Variants in CCDC93 observed in about 807,000 individuals in gnomAD.
CCDC93 encodes coiled-coil domain-containing protein 93.
In CCDC93, 61 loss-of-function variants were observed where a neutral mutation model predicts 108.2. The observed-to-expected ratio is 0.56, with a 90% confidence interval of 0.46 to 0.70. The LOEUF (loss-of-function observed/expected upper bound fraction) is 0.70. Ranked by LOEUF, CCDC93 falls within the 30% of genes least tolerant of loss-of-function variation. The pLI is 0.00. For missense variants in CCDC93, 685 were observed against 764.2 expected (o/e 0.90, Z 1.22); for synonymous variants, 276 against 260.4 (o/e 1.06, Z -0.58).
chr2:117,974,031 C>A (rs2104781141), intron 10 of CCDC93, 37 bp from the exon 11 acceptor site: 4 of 1,384,436 alleles, frequency 2.9e-6, no homozygotes, highest in Non-Finnish European at 4.1e-6. Flanking sequence ...CAAGGCCAAG[C>A]CTTGTCTTCC....
chr2:117,927,073 T>C (rs1027240384), intron 23 of CCDC93, among the ~76,000 whole-genome samples: 4 of 152,084 alleles, frequency 2.6e-5, no homozygotes, highest in African/African-American at 9.7e-5. Flanking sequence ...TCAACAACAC[T>C]TCATGCTAAA....
At chr2:117,938,448 T>TCTA (rs1181894934) in intron 20 of CCDC93, among the ~76,000 whole-genome samples, 1 of 151,840 alleles carries the variant, frequency 6.6e-6, no homozygotes, top group Non-Finnish European at 1.5e-5. Flanking sequence ...GACGAGTTAG[T>TCTA]GGGTGCAGCG....
intron 11 of CCDC93, among the ~76,000 whole-genome samples, chr2:117,973,594 G>C (rs751177066): frequency 5.3e-5 from 8 of 152,018 alleles, no homozygotes; most frequent in Non-Finnish European, 8.8e-5. Context: ...AGTTATAAGA[G>C]GCCTGATAGA....
At chr2:117,993,857 C>A (rs1393216237) in intron 6 of CCDC93, among the ~76,000 whole-genome samples, 1 of 152,222 alleles carries the variant, frequency 6.6e-6, no homozygotes, top group Non-Finnish European at 1.5e-5. Context: ...CCTCAGCCTC[C>A]CAAGTAGCTA....
At position 117,996,310 on chromosome 2, in the gene CCDC93, C is replaced by T. The variant is rs374030570; in HGVS notation, c.416G>A (p.Arg139His). 8.7e-6 allele frequency: 14 copies of T among 1,613,356 alleles called. No individual in the cohort carries two copies. The highest frequency in any genetic ancestry group is 2.7e-5 in the African/African-American group (2 of 74,888). The change falls in exon 5 of 24, where the codon CGC (arginine) becomes CAC (histidine). Residue 139 changes from arginine (R) to histidine (H), a missense_variant. Arg to His is a conservative substitution (Grantham distance 29, BLOSUM62 0). Coordinates refer to ENST00000376300, the MANE Select transcript of CCDC93 (RefSeq NM_019044.5). ...CTGGAACTGGGATACAGAGTAGGAG[C>T]GGATATAGTCACCCATCTCTTCTTT... ...ETKEEMGDYI[R>H]SYSVSQFQKT...
At position 117,923,654 on chromosome 2, in the gene CCDC93, A is replaced by AGGCC. The variant is rs1176733539; in HGVS notation, c.1843-3262_1843-3259dup. On this transcript the variant is annotated intron_variant, in intron 23 of 23. Coordinates refer to ENST00000376300, the MANE Select transcript of CCDC93 (RefSeq NM_019044.5). ...GGGTGGAGCTCACCGCAGCACAAGG[A>AGGCC]GGCCTGCCTGCCTGCCTGCCTGCCT... Among the ~76,000 whole-genome samples, 6 of 135,074 alleles carry AGGCC rather than the reference A, an allele frequency of 4.4e-5. No individual in the cohort carries two copies. The South Asian group carries it at 1.2e-3, about 27-fold the overall frequency. 88.6% of individuals were successfully genotyped at this position (135,074 alleles called of 152,430 possible).
At chr2:117,955,230 T>C (rs1679181409) in intron 12 of CCDC93, among the ~76,000 whole-genome samples, 2 of 152,184 alleles carry the variant, frequency 1.3e-5, no homozygotes, top group African/African-American at 4.8e-5. Context: ...ATGTCTGTGA[T>C]AGAATACGTG....
chr2:118,004,759 CCA>C (rs144975723), intron 3 of CCDC93, among the ~76,000 whole-genome samples: 1,667 of 152,268 alleles, frequency 0.011, 10 homozygotes, highest in Middle Eastern at 0.017. Context: ...CCAGCTTTGC[CCA>C]CAGTTACAGT....
In CCDC93 at chr2:117,957,062, G is replaced by A. The variant is rs553439685; in HGVS notation, c.1005+1303C>T. On this transcript the variant is annotated intron_variant, in intron 12 of 23. Coordinates refer to ENST00000376300, the MANE Select transcript of CCDC93 (RefSeq NM_019044.5). ...GGCGCCACCATGCCCAGCTAATTTT[G>A]TATTTTTAGTAGAGACAGGGAGTCT... 4.9e-4 allele frequency among the ~76,000 whole-genome samples: 74 copies of A among 152,116 alleles called. 1 individual carries two copies. The South Asian group carries it at 8.7e-3, about 18-fold the overall frequency.
At chr2:118,001,116 G>T in intron 3 of CCDC93, 184 bp from the exon 4 acceptor site, 1 of 509,410 alleles carries the variant, frequency 2.0e-6, no homozygotes, top group South Asian at 3.2e-5. Flanking sequence ...GTGGTGTGTA[G>T]GTGTGTGGTC....
At chr2:118,005,654 A>G (rs7570288) in intron 3 of CCDC93, among the ~76,000 whole-genome samples, 147,273 of 151,872 alleles carry the variant, frequency 0.97, 71,593 homozygotes, top group Middle Eastern at 1. Flanking sequence ...CTACACAGGA[A>G]GCTGAGGTAA....
intron 6 of CCDC93, among the ~76,000 whole-genome samples, chr2:117,988,814 A>C (rs922677392): frequency 2.0e-5 from 3 of 152,210 alleles, no homozygotes; most frequent in African/African-American, 7.2e-5. Context: ...TTTCTGTAGA[A>C]TTTCCTCCAG....
intron 1 of CCDC93, among the ~76,000 whole-genome samples, chr2:118,009,846 A>G (rs1676976832): frequency 6.6e-6 from 1 of 152,240 alleles, no homozygotes; most frequent in Non-Finnish European, 1.5e-5. Context: ...TTATTGCCAC[A>G]TAATAGGATT....
chr2:117,963,776 A>G (rs2104764626), intron 11 of CCDC93, among the ~76,000 whole-genome samples: 1 of 152,340 alleles, frequency 6.6e-6, no homozygotes, highest in South Asian at 2.1e-4. Flanking sequence ...GAATTGGTAC[A>G]ACTCACTTTT....
chr2:117,932,141 T>C (rs1678358504), intron 22 of CCDC93, among the ~76,000 whole-genome samples: 2 of 152,152 alleles, frequency 1.3e-5, no homozygotes, highest in Non-Finnish European at 2.9e-5. Flanking sequence ...GGCAATGCTA[T>C]GTGCTGTATG....
chr2:117,986,823 A>G (rs1189000459), intron 6 of CCDC93, among the ~76,000 whole-genome samples: 2 of 152,186 alleles, frequency 1.3e-5, no homozygotes, highest in African/African-American at 2.4e-5. Flanking sequence ...TCCCCAGTTT[A>G]CTGCTGGTGT....
At chr2:117,947,507 TATG>T (rs1678909624) in intron 15 of CCDC93, among the ~76,000 whole-genome samples, 1 of 152,152 alleles carries the variant, frequency 6.6e-6, no homozygotes, top group African/African-American at 2.4e-5. Flanking sequence ...CCTGGTTTTG[TATG>T]ATGTTACCCT....
At chr2:118,011,268 A>G (rs1462154602) in intron 1 of CCDC93, among the ~76,000 whole-genome samples, 5 of 152,244 alleles carry the variant, frequency 3.3e-5, no homozygotes, top group Middle Eastern at 3.2e-3. Flanking sequence ...AATATAGTTA[A>G]TACAGAATTA....
chr2:117,945,661 AG>A (rs1452878568), intron 16 of CCDC93, 79 bp from the exon 17 acceptor site: 1 of 1,255,988 alleles, frequency 8.0e-7, no homozygotes, highest in African/African-American at 1.5e-5. Context: ...AGATGTAGGA[AG>A]GGGCCAGGCA....
Sources: gnomAD v4.1 joint callset for allele counts (sites outside exome capture counted in the v4.1 genomes callset) on GRCh38, gnomAD v4.1.1 for gene constraint, MANE v1.5 for transcripts, NCBI Gene and HGNC (gene_info 2026-07-23, HGNC 2026-07-21) for gene names.